TCFL5: variants seen among roughly 807,000 people sequenced by gnomAD.
TCFL5 encodes the protein transcription factor-like 5 protein.
A neutral mutation model predicts 44.3 loss-of-function variants in TCFL5; 9 were observed. The observed-to-expected ratio is 0.20, with a 90% CI of 0.12 to 0.35. The LOEUF (loss-of-function observed/expected upper bound fraction) is 0.35. Ranked by LOEUF, TCFL5 falls within the 10% of genes least tolerant of loss-of-function variation. TCFL5 has a pLI of 1.00. For synonymous variants in TCFL5, 319 were observed against 271.6 expected, an observed-to-expected ratio of 1.17 and a Z score of -1.72; for missense variants, 603 against 613.4, an observed-to-expected ratio of 0.98 and a Z score of 0.18.
chr20:62,845,092 C>T (rs1404932984), intron 5 of TCFL5: 2 of 987,726 alleles, frequency 2.0e-6, no homozygotes, highest in Non-Finnish European at 2.4e-6. Flanking sequence ...AGAATCTACA[C>T]CTGCATATAA....
chr20:62,853,514 T>G (rs2063844075), intron 5 of TCFL5, among the ~76,000 whole-genome samples: 1 of 152,018 alleles, frequency 6.6e-6, no homozygotes, highest in South Asian at 2.1e-4. Context: ...CACACCAGGT[T>G]AATTTTTGTA....
At chr20:62,843,674 A>T (rs1382478541) in intron 5 of TCFL5, among the ~76,000 whole-genome samples, 1 of 152,208 alleles carries the variant, frequency 6.6e-6, no homozygotes. Context: ...AAGTCCACTC[A>T]CAGTGCTGTG....
chr20:62,860,157 T>TCTC lies in TCFL5; in HGVS notation c.798_799insGAG (p.Ser266_Thr267insGlu), dbSNP rs1484722743. 1.2e-6 allele frequency: 2 copies of TCTC among 1,612,392 alleles called. No individual in the cohort carries two copies. Among genetic ancestry groups the TCTC allele is most frequent in the African/African-American group, 2.7e-5 (2 of 74,920 alleles). ...TGTGAAAGATTAGAATTTCCACTAG[T>TCTC]AGAGCAAGCATTTGTAGTAAACAGT... On this transcript the variant is annotated inframe_insertion, in exon 2 of 6. Coordinates refer to ENST00000335351, the MANE Select transcript of TCFL5 (RefSeq NM_006602.4).
intron 5 of TCFL5, among the ~76,000 whole-genome samples, chr20:62,850,719 C>T (rs944686993): frequency 2.6e-5 from 4 of 152,188 alleles, no homozygotes; most frequent in African/African-American, 9.7e-5. Flanking sequence ...TCAGGACTAG[C>T]GGTCCACCAG....
chr20:62,856,919 T>C (rs2063901626), intron 4 of TCFL5, among the ~76,000 whole-genome samples: 2 of 152,142 alleles, frequency 1.3e-5, no homozygotes, highest in Non-Finnish European at 2.9e-5. Context: ...GAACAACTGC[T>C]TTCCTTCTGG....
intron 5 of TCFL5, among the ~76,000 whole-genome samples, chr20:62,847,182 A>G (rs1373399586): frequency 2.5e-5 from 2 of 80,896 alleles, no homozygotes; most frequent in Admixed American, 2.2e-4. Context: ...ACTTCATCTC[A>G]AAAAAAAAAA....
At chr20:62,846,625 C>A (rs564197964) in intron 5 of TCFL5, among the ~76,000 whole-genome samples, 1 of 151,778 alleles carries the variant, frequency 6.6e-6, no homozygotes, top group Non-Finnish European at 1.5e-5. Context: ...AAGACGGGTG[C>A]GGTGGTGAGG....
intron 5 of TCFL5, among the ~76,000 whole-genome samples, chr20:62,850,861 CCACCCAACAT>C: frequency 6.6e-6 from 1 of 152,300 alleles, no homozygotes; most frequent in Non-Finnish European, 1.5e-5. Flanking sequence ...CCTCCCTCGA[CCACCCAACAT>C]CACCCAATCC....
At chr20:62,846,777 AAAG>A (rs1427702592) in intron 5 of TCFL5, among the ~76,000 whole-genome samples, 1 of 151,808 alleles carries the variant, frequency 6.6e-6, no homozygotes, top group Non-Finnish European at 1.5e-5. Flanking sequence ...AAAAAAAAAA[AAAG>A]AGAGAAAGAA....
intron 5 of TCFL5, chr20:62,845,702 C>A: frequency 6.2e-7 from 1 of 1,606,822 alleles, no homozygotes; most frequent in Non-Finnish European, 8.5e-7. Context: ...TCGAGGACTT[C>A]CAATATGACG....
chr20:62,855,446 C>T lies in TCFL5; in HGVS notation c.1239-1289G>A, dbSNP rs981735726. Among the ~76,000 whole-genome samples, 11 of 152,196 alleles carry T rather than the reference C, an allele frequency of 7.2e-5. 1 individual carries two copies. In the South Asian group the frequency reaches 1.7e-3, roughly 23 times the overall value. On this transcript the variant is annotated intron_variant, in intron 4 of 5. Coordinates refer to ENST00000335351, the MANE Select transcript of TCFL5 (RefSeq NM_006602.4). ...CAGTCATGAGCCACTGCACCCTGCC[C>T]CAGCAAGTTTGAATAGATCCCTTTA...
chr20:62,852,413 G>A (rs1306051657), intron 5 of TCFL5: 1 of 985,362 alleles, frequency 1.0e-6, no homozygotes, highest in African/African-American at 1.7e-5. Flanking sequence ...TCCCCCCAAG[G>A]CAGGGCCCAG....
chr20:62,858,131 A>G (rs2063924131), intron 3 of TCFL5, among the ~76,000 whole-genome samples: 1 of 152,090 alleles, frequency 6.6e-6, no homozygotes, highest in Admixed American at 6.5e-5. Flanking sequence ...GCTCAGAACA[A>G]AACTGCAGCA....
intron 4 of TCFL5, among the ~76,000 whole-genome samples, chr20:62,854,470 A>T (rs1027037011): frequency 6.6e-6 from 1 of 152,178 alleles, no homozygotes; most frequent in African/African-American, 2.4e-5. Context: ...GATGGCTCCA[A>T]AGCCCCTGAA....
intron 4 of TCFL5, among the ~76,000 whole-genome samples, chr20:62,856,501 A>G (rs1354650304): frequency 4.0e-5 from 6 of 151,732 alleles, no homozygotes; most frequent in East Asian, 1.9e-4. Flanking sequence ...TCAGGAGATC[A>G]AGACCATCCT....
intron 5 of TCFL5, chr20:62,844,859 G>A (rs1341926652): frequency 5.1e-6 from 5 of 980,376 alleles, no homozygotes; most frequent in Non-Finnish European, 6.1e-6. Context: ...GCCTCCCAGA[G>A]TGCTGGGATT....
intron 5 of TCFL5, among the ~76,000 whole-genome samples, chr20:62,846,902 C>T (rs1315129305): frequency 1.3e-5 from 2 of 151,874 alleles, no homozygotes; most frequent in Non-Finnish European, 2.9e-5. Context: ...AGGAAGAAAG[C>T]GGCCGGGTGC....
chr20:62,849,647 A>G (rs1308455929), intron 5 of TCFL5, among the ~76,000 whole-genome samples: 1 of 152,060 alleles, frequency 6.6e-6, no homozygotes, highest in Non-Finnish European at 1.5e-5. Context: ...CAACATAGCA[A>G]GACCCTATTG....
In TCFL5 at chr20:62,861,206, G is replaced by C. The variant is rs1393264233; in HGVS notation, c.465C>G (p.Asp155Glu). ...CGCCCGCGCCCTCCTTGGCGGCGCC[G>C]TCGGCCCGGGCCCTCGCTCCGTCCC... Reference protein sequence around the residue: ...GGGDGARARADGAAKEGAGAA... With the variant: ...GGGDGARARAEGAAKEGAGAA... The change falls in exon 1 of 6, where the codon GAC becomes GAG. Residue 155 changes from aspartate (D) to glutamate (E), a missense_variant. Asp to Glu is a conservative substitution (Grantham distance 45). Around this residue, in one of 4 missense-constraint regions of TCFL5, gnomAD observed 540 missense variants for 478.7 expected, o/e 1.13. Coordinates refer to ENST00000335351, the MANE Select transcript of TCFL5 (RefSeq NM_006602.4). The surrounding 1 kb of genome is among the most constrained non-coding windows in gnomAD (Gnocchi z 4.0). The C allele has an allele frequency of 1.6e-5, 17 of 1,057,558 alleles. No individual in the cohort carries two copies. The highest frequency in any genetic ancestry group is 1.9e-5 in the Non-Finnish European group (17 of 879,554). The allele number at this position is 1,057,558 out of a possible 1,614,324, so 65.5% of individuals were successfully genotyped here.
Sources: gnomAD v4.1 joint callset for allele counts (sites outside exome capture counted in the v4.1 genomes callset) on GRCh38, gnomAD v4.1.1 for gene constraint, gnomAD v4.1.1 regional missense constraint, Gnocchi (gnomAD v3.1) non-coding constraint, MANE v1.5 for transcripts, NCBI Gene and HGNC (gene_info 2026-07-23, HGNC 2026-07-21) for gene names.